NAV3: variants seen among roughly 807,000 people sequenced by gnomAD.
The protein encoded by NAV3 is neuron navigator 3, also known as pore membrane and/or filament interacting like protein 1.
In NAV3, 87 loss-of-function variants were observed where a neutral mutation model predicts 244.7. That is an observed-to-expected ratio of 0.36 (90% CI 0.30 to 0.42). The LOEUF is 0.42. Among genes scored for constraint, NAV3 ranks in the 20% least tolerant of loss-of-function variants. The probability of loss-of-function intolerance (pLI) is 1.00; values close to 1 mark genes in which losing one functional copy is unlikely to be tolerated. For missense variants in NAV3, 2,663 were observed against 2,893.3 expected (o/e 0.92, Z 1.83); for synonymous variants, 1,126 against 1,042.2 (o/e 1.08, Z -1.55).
chr12:77,968,574 C>T lies in NAV3; in HGVS notation c.543C>T (p.Arg181=), dbSNP rs1231464121. 4 of 1,613,950 alleles carry T rather than the reference C, an allele frequency of 2.5e-6. No individual in the cohort carries two copies. In the African/African-American group the frequency reaches 5.3e-5, roughly 22 times the overall value. The stretch of plus-strand genomic sequence containing the variant: ...TAGGGCTGTTTTTCAGTTTATCTCG[C>T]TACAAGCAGCAACAACACCATCAAC... ...AILGLFFSLS[R]YKQQQHHQQQ... Residue 181 remains arginine, a synonymous_variant, in exon 5 of 40, where the codon CGC becomes CGT. Coordinates refer to ENST00000397909, the MANE Select transcript of NAV3 (RefSeq NM_001024383.2).
chr12:78,135,084 G>A (rs991017222), intron 18 of NAV3, among the ~76,000 whole-genome samples: 2 of 152,140 alleles, frequency 1.3e-5, no homozygotes, highest in African/African-American at 4.8e-5. Context: ...CAGATGGAAA[G>A]CAAAACTACC....
chr12:77,607,801 T>G (rs1870738268), intron 2 of NAV3, among the ~76,000 whole-genome samples: 1 of 152,118 alleles, frequency 6.6e-6, no homozygotes, highest in African/African-American at 2.4e-5. Flanking sequence ...CTTGTCTCCT[T>G]ACACAGAATG....
intron 23 of NAV3, among the ~76,000 whole-genome samples, chr12:78,161,544 G>A (rs1389921615): frequency 6.6e-6 from 1 of 152,040 alleles, no homozygotes; most frequent in African/African-American, 2.4e-5. Context: ...GTATGTTAAT[G>A]TATAATGCCT....
intron 3 of NAV3, among the ~76,000 whole-genome samples, chr12:77,951,370 A>T (rs1890859324): frequency 6.6e-6 from 1 of 152,202 alleles, no homozygotes; most frequent in Non-Finnish European, 1.5e-5. Context: ...CCGCAATGAG[A>T]TACCATCTCA....
rs185768985 is a variant in NAV3 at position 77,756,284 on chromosome 12, T to C, written c.72+184018T>C. On this transcript the variant is annotated intron_variant, in intron 2 of 8. Transcript: ENST00000550042. Reference sequence around the variant, plus strand: ...TATGAAAATTTGAAAATCATAGGCATAAATAAGCTTTAGCCTATGGCTCAG... The same window carrying C: ...TATGAAAATTTGAAAATCATAGGCACAAATAAGCTTTAGCCTATGGCTCAG... 1.4e-3 allele frequency among the ~76,000 whole-genome samples: 215 copies of C among 152,322 alleles called. 2 individuals are homozygous for C. Among genetic ancestry groups the C allele is most frequent in the African/African-American group, 4.4e-3 (183 of 41,564 alleles).
chr12:78,103,027 G>T (rs1954616762), intron 12 of NAV3, among the ~76,000 whole-genome samples: 2 of 152,150 alleles, frequency 1.3e-5, no homozygotes, highest in African/African-American at 2.4e-5. Context: ...CTGGCTCCTT[G>T]TTACTTATGC....
intron 33 of NAV3, 130 bp from the exon 34 acceptor site, chr12:78,189,854 A>C (rs770556469): frequency 1.1e-4 from 76 of 666,346 alleles, no homozygotes; most frequent in Middle Eastern, 8.1e-4. Flanking sequence ...TGGGATAGAA[A>C]TATCTAGGAA....
At chr12:78,015,958 A>G (rs187315915) in intron 8 of NAV3, among the ~76,000 whole-genome samples, 13 of 152,220 alleles carry the variant, frequency 8.5e-5, no homozygotes, top group African/African-American at 3.1e-4. Flanking sequence ...GTTATAATTC[A>G]TTACTATCAC....
chr12:77,849,218 C>G (rs1565853778), intron 1 of NAV3, among the ~76,000 whole-genome samples: 1 of 151,244 alleles, frequency 6.6e-6, no homozygotes. Flanking sequence ...TTCCCAAACA[C>G]AATGTGTTGT....
chr12:78,101,729 T>C (rs999457591), intron 12 of NAV3, among the ~76,000 whole-genome samples: 71 of 152,258 alleles, frequency 4.7e-4, no homozygotes, highest in African/African-American at 1.7e-3. Flanking sequence ...ACTTGACAGG[T>C]AATGCACTGT....
At chr12:77,614,921 GA>G (rs1263836458) in intron 2 of NAV3, among the ~76,000 whole-genome samples, 2 of 152,172 alleles carry the variant, frequency 1.3e-5, no homozygotes, top group African/African-American at 4.8e-5. Flanking sequence ...TACTAATCCT[GA>G]ATGGAGAGGT....
intron 2 of NAV3, among the ~76,000 whole-genome samples, chr12:77,716,555 A>G (rs1211192044): frequency 6.6e-6 from 1 of 151,796 alleles, no homozygotes; most frequent in African/African-American, 2.4e-5. Context: ...TCCTTATATA[A>G]CTCCTTGACT....
intron 1 of NAV3, among the ~76,000 whole-genome samples, chr12:77,898,785 A>G (rs1030518844): frequency 2.0e-5 from 3 of 152,264 alleles, no homozygotes; most frequent in African/African-American, 7.2e-5. Context: ...TCATAAGTCT[A>G]GAGCTGCCAT....
chr12:77,772,852 C>T (rs1446664455), intron 2 of NAV3, among the ~76,000 whole-genome samples: 4 of 152,172 alleles, frequency 2.6e-5, no homozygotes, highest in African/African-American at 4.8e-5. Context: ...CCTGACTTAA[C>T]GCACTAAACA....
At chr12:78,013,595 T>G (rs976475574) in intron 8 of NAV3, among the ~76,000 whole-genome samples, 2 of 152,160 alleles carry the variant, frequency 1.3e-5, no homozygotes, top group African/African-American at 4.8e-5. Context: ...TAGAAATTCT[T>G]GAATGTCAGA....
chr12:77,997,144 A>G (rs1040211004), intron 6 of NAV3, among the ~76,000 whole-genome samples: 3 of 150,128 alleles, frequency 2.0e-5, no homozygotes, highest in African/African-American at 7.3e-5. Flanking sequence ...AGGCTGAGGC[A>G]GGAGAATCGC....
At chr12:77,665,437 G>T (rs776334353) in intron 2 of NAV3, among the ~76,000 whole-genome samples, 4 of 152,002 alleles carry the variant, frequency 2.6e-5, no homozygotes, top group African/African-American at 4.8e-5. Context: ...TTTTGTATAA[G>T]AATTAATACT....
intron 1 of NAV3, among the ~76,000 whole-genome samples, chr12:77,896,496 A>C (rs569140931): frequency 1.3e-5 from 2 of 152,316 alleles, no homozygotes; most frequent in African/African-American, 4.8e-5. Context: ...GGTAAATATA[A>C]ATAATTGATG....
chr12:78,066,386 T>G (rs926034776), intron 12 of NAV3, among the ~76,000 whole-genome samples: 2 of 152,112 alleles, frequency 1.3e-5, no homozygotes, highest in Non-Finnish European at 2.9e-5. Flanking sequence ...ATAACCTGGG[T>G]TACTGAAGTA....
Sources: allele counts gnomAD v4.1 joint callset (sites outside exome capture counted in the v4.1 genomes callset), GRCh38; gene constraint gnomAD v4.1.1; transcripts MANE v1.5; gene names NCBI Gene and HGNC (gene_info 2026-07-23, HGNC 2026-07-21).